PRKAR2B: variants seen among roughly 807,000 people sequenced by gnomAD.
The protein encoded by PRKAR2B is cAMP-dependent protein kinase type II-beta regulatory subunit.
Under a neutral mutation model 49.9 loss-of-function variants are expected in PRKAR2B, and 14 were observed. That is an observed-to-expected ratio of 0.28 (90% CI 0.19 to 0.44). The LOEUF (loss-of-function observed/expected upper bound fraction) is 0.44, where lower values mean the gene tolerates loss of function less well. PRKAR2B is among the 20% of genes least tolerant of loss of function. PRKAR2B has a pLI of 1.00. For missense variants in PRKAR2B, 393 were observed against 537.9 expected, an observed-to-expected ratio of 0.73 and a Z score of 2.67; for synonymous variants, 196 against 197.7, an observed-to-expected ratio of 0.99 and a Z score of 0.07.
chr7:107,110,417 A>G (rs1795150098), intron 2 of PRKAR2B, among the ~76,000 whole-genome samples: 1 of 152,068 alleles, frequency 6.6e-6, no homozygotes, highest in Non-Finnish European at 1.5e-5. Flanking sequence ...CACGCGAGTT[A>G]CTGAGACACT....
At chr7:107,143,031 G>C (rs910494012) in intron 5 of PRKAR2B, among the ~76,000 whole-genome samples, 1 of 152,166 alleles carries the variant, frequency 6.6e-6, no homozygotes, top group East Asian at 1.9e-4. Flanking sequence ...CCAAAGTGGT[G>C]GGTTTACAGG....
At chr7:107,080,916 C>T (rs1312182006) in intron 2 of PRKAR2B, among the ~76,000 whole-genome samples, 1 of 152,120 alleles carries the variant, frequency 6.6e-6, no homozygotes, top group African/African-American at 2.4e-5. Flanking sequence ...GCTGTGTGAC[C>T]TTGGGCAACT....
chr7:107,150,980 A>G lies in PRKAR2B; in HGVS notation c.800A>G (p.Tyr267Cys). Residue 267 changes from tyrosine (Y) to cysteine (C), a missense_variant, in exon 7 of 11, where the codon TAT (tyrosine) becomes TGT (cysteine). By Grantham distance (194) the Tyr-to-Cys change is radical. Around this residue, in one of 2 missense-constraint regions of PRKAR2B, gnomAD observed 233 missense variants for 390.4 expected, o/e 0.60. Coordinates refer to ENST00000265717, the MANE Select transcript of PRKAR2B (RefSeq NM_002736.3). Reference protein sequence around the residue: ...VKNNAKKRKMYESFIESLPFL... With the variant: ...VKNNAKKRKMCESFIESLPFL... ...AACAATGCCAAAAAGAGAAAAATGT[A>G]TGAAAGCTTTATTGAGTCACTGCCA... 1 of 1,599,906 alleles carries G rather than the reference A, an allele frequency of 6.3e-7. No homozygotes were observed. The highest frequency in any genetic ancestry group is 8.5e-7 in the Non-Finnish European group (1 of 1,174,086).
chr7:107,098,986 T>A (rs367660894), intron 2 of PRKAR2B, among the ~76,000 whole-genome samples: 13 of 152,210 alleles, frequency 8.5e-5, no homozygotes, highest in African/African-American at 2.9e-4. Flanking sequence ...GAGGAGGCAG[T>A]CTGTCCATTC....
chr7:107,103,576 C>G (rs975742231), intron 2 of PRKAR2B, among the ~76,000 whole-genome samples: 4 of 152,214 alleles, frequency 2.6e-5, no homozygotes, highest in Non-Finnish European at 4.4e-5. Flanking sequence ...AACAGACCAG[C>G]AAACTAACCA....
intron 4 of PRKAR2B, among the ~76,000 whole-genome samples, chr7:107,135,807 G>A (rs1795691501): frequency 6.6e-6 from 1 of 152,156 alleles, no homozygotes; most frequent in African/African-American, 2.4e-5. Flanking sequence ...AAGTTGATCT[G>A]TAGATTCAAT....
chr7:107,053,050 G>A (rs920825793), intron 1 of PRKAR2B, among the ~76,000 whole-genome samples: 3 of 152,046 alleles, frequency 2.0e-5, no homozygotes, highest in African/African-American at 7.2e-5. Flanking sequence ...GGCTGGTCTG[G>A]AACTCCTGGC....
rs770990962 is a variant in PRKAR2B at position 107,044,895 on chromosome 7, C to A, written c.-13C>A. ...GAGGGCGGCGCCCAGGCGCCTGCCG[C>A]CCCGGAGGCAGGATGAGCATCGAGA... On this transcript the variant is annotated 5_prime_UTR_variant, in exon 1 of 11. Transcript: ENST00000265717. 30 of 1,583,380 alleles carry A rather than the reference C, an allele frequency of 1.9e-5. 1 individual carries two copies. Among genetic ancestry groups the A allele is most frequent in the Non-Finnish European group, 2.1e-5 (25 of 1,168,966 alleles).
At chr7:107,066,793 C>T (rs1794157018) in intron 1 of PRKAR2B, 1 of 152,004 alleles carries the variant, frequency 6.6e-6, no homozygotes, top group Non-Finnish European at 1.5e-5. Flanking sequence ...CCCGGCTGGT[C>T]TTGAACTCCT....
chr7:107,156,124 A>G (rs541634781), intron 8 of PRKAR2B, among the ~76,000 whole-genome samples: 44 of 152,332 alleles, frequency 2.9e-4, no homozygotes, highest in Admixed American at 1.8e-3. Flanking sequence ...GAGTGAAGGT[A>G]GGGAGAGTAT....
intron 3 of PRKAR2B, among the ~76,000 whole-genome samples, chr7:107,126,420 C>CAAAAAAAAAAAAAAAAAAAAAAAAAAAAA (rs35682952): frequency 2.6e-5 from 1 of 38,402 alleles, no homozygotes; most frequent in Non-Finnish European, 5.2e-5. Flanking sequence ...GAATCTGTCT[C>CAAAAAAAAAAAAAAAAAAAAAAAAAAAAA]AAAAAAAAAA....
intron 1 of PRKAR2B, among the ~76,000 whole-genome samples, chr7:107,054,030 T>C (rs1365055404): frequency 6.6e-6 from 1 of 152,162 alleles, no homozygotes. Context: ...GGCAATTCTT[T>C]TGTAAATATG....
chr7:107,137,983 A>C (rs74945672), intron 4 of PRKAR2B, among the ~76,000 whole-genome samples: 4,323 of 151,162 alleles, frequency 0.029, 184 homozygotes, highest in African/African-American at 0.099. Flanking sequence ...GTGTTTTCAG[A>C]CCAAAATTTT....
intron 1 of PRKAR2B, 125 bp downstream of exon 1, chr7:107,045,339 A>C: frequency 3.8e-6 from 3 of 798,912 alleles, no homozygotes; most frequent in African/African-American, 3.8e-5. Context: ...ACCTTTCCCT[A>C]CCTTCCCATC....
At chr7:107,062,908 A>G (rs1794053400) in intron 1 of PRKAR2B, among the ~76,000 whole-genome samples, 1 of 152,174 alleles carries the variant, frequency 6.6e-6, no homozygotes, top group South Asian at 2.1e-4. Flanking sequence ...GCCAAAGACT[A>G]GTCAAGCTCT....
At chr7:107,045,327 C>G (rs1379040897) in intron 1 of PRKAR2B, 113 bp downstream of exon 1, 1 of 916,492 alleles carries the variant, frequency 1.1e-6, no homozygotes, top group Non-Finnish European at 1.6e-6. Context: ...CCCGCATTCT[C>G]CACCTTTCCC....
intron 5 of PRKAR2B, among the ~76,000 whole-genome samples, chr7:107,145,635 T>C (rs1795876392): frequency 6.6e-6 from 1 of 152,132 alleles, no homozygotes; most frequent in South Asian, 2.1e-4. Context: ...CCCAGGCTGG[T>C]CTTGAACTCC....
rs553006551 is a variant in PRKAR2B at position 107,087,379 on chromosome 7, A to G, written c.343+17063A>G. ...AGAACTTGGGTTCCATTTTGCATAC[A>G]AACTTTAATATAAATAGAACCTGGA... On this transcript the variant is annotated intron_variant, in intron 2 of 10. Coordinates refer to ENST00000265717, the MANE Select transcript of PRKAR2B (RefSeq NM_002736.3). 1.3e-4 allele frequency among the ~76,000 whole-genome samples: 20 copies of G among 152,340 alleles called. 1 individual carries two copies. The South Asian group carries it at 4.1e-3, about 32-fold the overall frequency.
chr7:107,132,357 G>A (rs1795618483), intron 4 of PRKAR2B, among the ~76,000 whole-genome samples: 1 of 152,210 alleles, frequency 6.6e-6, no homozygotes, highest in Non-Finnish European at 1.5e-5. Flanking sequence ...AGTGGGCACA[G>A]CTGAAGAGTT....
Sources: allele counts gnomAD v4.1 joint callset (sites outside exome capture counted in the v4.1 genomes callset), GRCh38; gene constraint gnomAD v4.1.1; regional missense constraint gnomAD v4.1.1; transcripts MANE v1.5; gene names NCBI Gene and HGNC (gene_info 2026-07-23, HGNC 2026-07-21).